The following PGAP1 variants were observed in gnomAD, a reference collection of about 807,000 sequenced individuals.
The protein encoded by PGAP1 is GPI inositol-deacylase.
A neutral mutation model predicts 127.0 loss-of-function variants in PGAP1; 76 were observed. The observed-to-expected ratio is 0.60, with a 90% CI of 0.50 to 0.72. The LOEUF (loss-of-function observed/expected upper bound fraction) is 0.72, where lower values mean the gene tolerates loss of function less well. PGAP1 is among the 30% of genes least tolerant of loss of function. The pLI is 0.00. For synonymous variants in PGAP1, 362 were observed against 366.5 expected (o/e 0.99, Z 0.14); for missense variants, 982 against 1,071.3 (o/e 0.92, Z 1.16).
At chr2:196,889,858 CAAAAAA>C (rs979436427) in intron 10 of PGAP1, among the ~76,000 whole-genome samples, 1 of 43,982 alleles carries the variant, frequency 2.3e-5, no homozygotes, top group Non-Finnish European at 5.0e-5. Context: ...GACTCCGTCT[CAAAAAA>C]AAAAAAAAAA....
chr2:196,847,458 CTT>C (rs3839045), intron 21 of PGAP1: 633 of 135,894 alleles, frequency 4.7e-3, no homozygotes, highest in Middle Eastern at 0.015. Flanking sequence ...GTAATATGTT[CTT>C]TTTTTTTTTT....
At chr2:196,903,312 G>C (rs1576182198) in intron 4 of PGAP1, among the ~76,000 whole-genome samples, 2 of 151,318 alleles carry the variant, frequency 1.3e-5, no homozygotes, top group South Asian at 4.2e-4. Flanking sequence ...GCTTAAAAAG[G>C]CTTAGCTTGG....
At chr2:196,889,277 G>A (rs977118197) in intron 10 of PGAP1, among the ~76,000 whole-genome samples, 23 of 152,086 alleles carry the variant, frequency 1.5e-4, no homozygotes, top group Non-Finnish European at 3.1e-4. Context: ...CTAGATTTTA[G>A]GCTGAGAGAT....
chr2:196,870,098 C>A (rs1203040460), intron 19 of PGAP1, among the ~76,000 whole-genome samples: 1 of 152,120 alleles, frequency 6.6e-6, no homozygotes, highest in East Asian at 1.9e-4. Context: ...CTGCTTTATG[C>A]AGCATTTTTG....
At position 196,835,198 on chromosome 2, in the gene PGAP1, C is replaced by T. The variant is rs1257251149; in HGVS notation, c.*6036G>A. On this transcript the variant is annotated 3_prime_UTR_variant, in exon 27 of 27. Transcript: ENST00000354764. ...AATGTTAACACTTTAGTATTAATAT[C>T]TTGTTTTATAATATTTTCCTTTAAG... 6.6e-6 allele frequency: 1 copy of T among 151,948 alleles called. No individual in the cohort carries two copies. Among genetic ancestry groups the T allele is most frequent in the African/African-American group, 2.4e-5 (1 of 41,404 alleles). 9.4% of individuals were successfully genotyped at this position (151,948 alleles called of 1,614,324 possible).
chr2:196,857,910 T>C (rs1195779380), intron 20 of PGAP1, among the ~76,000 whole-genome samples: 1 of 152,190 alleles, frequency 6.6e-6, no homozygotes, highest in African/African-American at 2.4e-5. Context: ...ATCCTTTGTC[T>C]TCCTTTACCT....
intron 4 of PGAP1, among the ~76,000 whole-genome samples, chr2:196,903,084 C>A (rs71422635): frequency 6.6e-6 from 1 of 152,024 alleles, no homozygotes; most frequent in Admixed American, 6.6e-5. Context: ...AGAGAAAATT[C>A]TAATATTCTT....
rs1700202636 is a variant in PGAP1 at position 196,835,058 on chromosome 2, G to A, written c.*6176C>T. On this transcript the variant is annotated 3_prime_UTR_variant, in exon 27 of 27. Transcript: ENST00000354764. Reference sequence around the variant, plus strand: ...ATTATGGGGAAAACTATAATATGAGGAACTGAAATTTCCTTAGAATCTTTA... The same window carrying A: ...ATTATGGGGAAAACTATAATATGAGAAACTGAAATTTCCTTAGAATCTTTA... 1 of 151,860 alleles carries A rather than the reference G, an allele frequency of 6.6e-6. No individual in the cohort carries two copies. The highest frequency in any genetic ancestry group is 1.9e-4 in the East Asian group (1 of 5,192). The allele number at this position is 151,860 out of a possible 1,614,324, so 9.4% of individuals were successfully genotyped here.
chr2:196,917,099 C>A (rs1226028126), intron 2 of PGAP1, among the ~76,000 whole-genome samples: 1 of 152,184 alleles, frequency 6.6e-6, no homozygotes, highest in Non-Finnish European at 1.5e-5. Flanking sequence ...TCTCACCATT[C>A]CCACCACTAT....
At chr2:196,923,424 C>G (rs1703269744) in intron 1 of PGAP1, among the ~76,000 whole-genome samples, 1 of 152,136 alleles carries the variant, frequency 6.6e-6, no homozygotes, top group Admixed American at 6.5e-5. Flanking sequence ...TCTGTACATA[C>G]TCTCTTATTG....
At chr2:196,896,828 T>TAAAAA (rs566717804) in intron 7 of PGAP1, among the ~76,000 whole-genome samples, 6 of 90,602 alleles carry the variant, frequency 6.6e-5, no homozygotes, top group African/African-American at 1.8e-4. Flanking sequence ...GACTCCATCT[T>TAAAAA]AAAAAAAAAA....
In PGAP1 at chr2:196,885,478, T is replaced by C. The variant is rs1701868598; in HGVS notation, c.1221-3A>G. The C allele has an allele frequency of 1.9e-6, 3 of 1,584,658 alleles. No individual in the cohort carries two copies. Among genetic ancestry groups the C allele is most frequent in the Middle Eastern group, 1.7e-4 (1 of 5,958 alleles). On this transcript the variant is annotated splice_region_variant and splice_polypyrimidine_tract_variant and intron_variant, in intron 11 of 26. Coordinates refer to ENST00000354764, the MANE Select transcript of PGAP1 (RefSeq NM_024989.4). ...ATGATAAATCAACCCCTTGCAGGCT[T>C]TGAAATAAATATGAAAATATAATTA...
chr2:196,854,739 A>G (rs62185640), intron 20 of PGAP1, among the ~76,000 whole-genome samples: 23,441 of 152,124 alleles, frequency 0.15, 2,060 homozygotes, highest in African/African-American at 0.25. Context: ...GCTGTATTGC[A>G]ATCAAGTTTT....
intron 13 of PGAP1, among the ~76,000 whole-genome samples, chr2:196,879,800 C>T (rs1430910723): frequency 6.6e-6 from 1 of 152,100 alleles, no homozygotes; most frequent in African/African-American, 2.4e-5. Flanking sequence ...ATAGGTTTTG[C>T]ACCTATGAAT....
At position 196,836,109 on chromosome 2, in the gene PGAP1, G is replaced by A. The variant is rs1379007731; in HGVS notation, c.*5125C>T. 6.6e-6 allele frequency: 1 copy of A among 152,298 alleles called. No individual in the cohort carries two copies. The highest frequency in any genetic ancestry group is 2.4e-5 in the African/African-American group (1 of 41,412). 9.4% of individuals were successfully genotyped at this position (152,298 alleles called of 1,614,324 possible). Reference sequence around the variant, plus strand: ...TAATCAAAACACACCAACAGATACAGTTTTTCATAAGTGTTCAAAGTTACA... The same window carrying A: ...TAATCAAAACACACCAACAGATACAATTTTTCATAAGTGTTCAAAGTTACA... On this transcript the variant is annotated 3_prime_UTR_variant, in exon 27 of 27. Coordinates refer to ENST00000354764, the MANE Select transcript of PGAP1 (RefSeq NM_024989.4).
chr2:196,904,769 C>A (rs1469904599), intron 4 of PGAP1, among the ~76,000 whole-genome samples: 1 of 151,974 alleles, frequency 6.6e-6, no homozygotes, highest in Non-Finnish European at 1.5e-5. Flanking sequence ...TTAGCTGGAT[C>A]ACAGTGCAGA....
chr2:196,915,474 C>T (rs1204044019), intron 3 of PGAP1, among the ~76,000 whole-genome samples: 2 of 152,202 alleles, frequency 1.3e-5, no homozygotes, highest in African/African-American at 4.8e-5. Context: ...AACTCTTAAT[C>T]TCCTCCATAT....
At chr2:196,926,415 G>C in intron 1 of PGAP1, 55 bp downstream of exon 1, 1 of 1,607,688 alleles carries the variant, frequency 6.2e-7, no homozygotes, top group Non-Finnish European at 8.5e-7. Flanking sequence ...GAAGGAAAAA[G>C]GCACCAGGGG....
At chr2:196,844,735 T>C (rs1218884081) in intron 23 of PGAP1, among the ~76,000 whole-genome samples, 161 bp from the exon 24 acceptor site, 1 of 151,958 alleles carries the variant, frequency 6.6e-6, no homozygotes, top group Admixed American at 6.6e-5. Context: ...AAACAACAAC[T>C]ACACATGCTG....
Sources: gnomAD v4.1 joint callset for allele counts (sites outside exome capture counted in the v4.1 genomes callset) on GRCh38, gnomAD v4.1.1 for gene constraint, MANE v1.5 for transcripts, NCBI Gene and HGNC (gene_info 2026-07-23, HGNC 2026-07-21) for gene names.